PCSK2: variants seen among roughly 807,000 people sequenced by gnomAD.
The protein encoded by PCSK2 is proprotein convertase subtilisin/kexin type 2, also known as neuroendocrine convertase 2.
A neutral mutation model predicts 69.7 loss-of-function variants in PCSK2; 14 were observed. The ratio of observed to expected loss-of-function variants is 0.20; its 90% CI spans 0.13 to 0.31. The LOEUF is 0.31. Among genes scored for constraint, PCSK2 ranks in the 10% least tolerant of loss-of-function variants. The pLI, the probability that PCSK2 is intolerant of heterozygous loss-of-function variation, is 1.00. For synonymous variants in PCSK2, 307 were observed against 320.7 expected (o/e 0.96, Z 0.46); for missense variants, 544 against 842.5 (o/e 0.65, Z 4.39).
intron 2 of PCSK2, among the ~76,000 whole-genome samples, chr20:17,265,354 G>GT (rs1987557566): frequency 6.6e-6 from 1 of 152,104 alleles, no homozygotes. Context: ...AGAATAGGCT[G>GT]TTTTTTATCC....
intron 5 of PCSK2, among the ~76,000 whole-genome samples, chr20:17,393,612 C>T (rs1235486826): frequency 2.0e-5 from 3 of 151,492 alleles, no homozygotes; most frequent in Non-Finnish European, 1.5e-5. Flanking sequence ...GAGTTAAATC[C>T]AGTAAGCATT....
At chr20:17,424,600 C>T (rs2032204652) in intron 6 of PCSK2, among the ~76,000 whole-genome samples, 1 of 152,048 alleles carries the variant, frequency 6.6e-6, no homozygotes, top group Admixed American at 6.5e-5. Flanking sequence ...TCATGCGATT[C>T]TCCTGCCTCA....
At chr20:17,437,028 G>C in intron 8 of PCSK2, 145 bp downstream of exon 8, 1 of 693,016 alleles carries the variant, frequency 1.4e-6, no homozygotes, top group Non-Finnish European at 2.3e-6. Flanking sequence ...GCTTAGCCAT[G>C]CAGGAGGCTG....
At chr20:17,291,761 T>C (rs1375756713) in intron 2 of PCSK2, among the ~76,000 whole-genome samples, 1 of 152,184 alleles carries the variant, frequency 6.6e-6, no homozygotes, top group Non-Finnish European at 1.5e-5. Context: ...GGTTTTCTTT[T>C]CTCACAGAAA....
At position 17,320,350 on chromosome 20, in the gene PCSK2, A is replaced by G. The variant is rs376046061; in HGVS notation, c.283-37977A>G. Among the ~76,000 whole-genome samples, 8 of 152,246 alleles carry G rather than the reference A, an allele frequency of 5.3e-5. No individual in the cohort carries two copies. The East Asian group carries it at 1.5e-3, about 29-fold the overall frequency. ...ACTCGTTCCCTTGGTCGCAAGACAC[A>G]TCCTCCTGGAATCAGTGTCTTCTTT... On this transcript the variant is annotated intron_variant, in intron 2 of 11. Coordinates refer to ENST00000262545, the MANE Select transcript of PCSK2 (RefSeq NM_002594.5).
intron 11 of PCSK2, among the ~76,000 whole-genome samples, chr20:17,478,258 G>A (rs900674752): frequency 6.6e-6 from 1 of 151,714 alleles, no homozygotes; most frequent in African/African-American, 2.4e-5. Context: ...ATTAATACTT[G>A]TCTTCCAACT....
At chr20:17,473,417 A>G (rs775138705) in intron 11 of PCSK2, among the ~76,000 whole-genome samples, 3 of 152,162 alleles carry the variant, frequency 2.0e-5, no homozygotes, top group Non-Finnish European at 4.4e-5. Flanking sequence ...TCCAGAAAGC[A>G]TGCTTCATTT....
At position 17,482,029 on chromosome 20, in the gene PCSK2, G is replaced by A; in HGVS notation, c.1876G>A (p.Ala626Thr). 6.2e-7 allele frequency: 1 copy of A among 1,607,654 alleles called. No homozygotes were observed. Among genetic ancestry groups the A allele is most frequent in the Non-Finnish European group, 8.5e-7 (1 of 1,177,980 alleles). Residue 626 changes from alanine (A) to threonine (T), a missense_variant, in exon 12 of 12, where the codon GCC (alanine) becomes ACC (threonine). Ala to Thr is a moderately conservative substitution (Grantham distance 58). Around this residue, in one of 3 missense-constraint regions of PCSK2, gnomAD observed 200 missense variants for 287.8 expected, o/e 0.69. Transcript: ENST00000262545. ...GGAGCTGGAGGAAGAGCTGGACGAAGCCGTGGAGAGAAGCCTGAAAAGCAT... is the reference window on the plus strand; with the variant it reads ...GGAGCTGGAGGAAGAGCTGGACGAAACCGTGGAGAGAAGCCTGAAAAGCAT... ...KEELEEELDEAVERSLKSILN... is the reference protein window; with the variant it reads ...KEELEEELDETVERSLKSILN...
chr20:17,474,963 T>G (rs956135132), intron 11 of PCSK2, among the ~76,000 whole-genome samples: 7 of 152,032 alleles, frequency 4.6e-5, no homozygotes, highest in Non-Finnish European at 8.8e-5. Context: ...ATTGCTCTTC[T>G]CCAGAGACAG....
intron 1 of PCSK2, among the ~76,000 whole-genome samples, chr20:17,240,488 C>T (rs916520670): frequency 2.0e-5 from 3 of 152,150 alleles, no homozygotes; most frequent in Admixed American, 6.5e-5. Context: ...TGCCAGAGAA[C>T]ACCCTCAGGA....
chr20:17,257,539 T>C (rs1987224794), intron 1 of PCSK2, among the ~76,000 whole-genome samples: 1 of 152,254 alleles, frequency 6.6e-6, no homozygotes, highest in African/African-American at 2.4e-5. Flanking sequence ...CTGTAATTTC[T>C]ATAATGTGCC....
At chr20:17,433,866 C>T (rs1257296834) in intron 7 of PCSK2, among the ~76,000 whole-genome samples, 5 of 101,344 alleles carry the variant, frequency 4.9e-5, no homozygotes, top group Non-Finnish European at 1.0e-4. Flanking sequence ...CTCTCCCTCT[C>T]TCTCTTCCTC....
chr20:17,320,917 A>G (rs79565323), intron 2 of PCSK2, among the ~76,000 whole-genome samples: 1,615 of 152,338 alleles, frequency 0.011, 21 homozygotes, highest in African/African-American at 0.036. Context: ...GCTTAAATGT[A>G]TAATGGTTGT....
intron 2 of PCSK2, among the ~76,000 whole-genome samples, chr20:17,273,512 C>G (rs1278218851): frequency 6.6e-6 from 1 of 152,104 alleles, no homozygotes; most frequent in Admixed American, 6.6e-5. Context: ...TACATTATAA[C>G]TTTGCCAAAG....
chr20:17,255,483 A>G lies in PCSK2; in HGVS notation c.178-4757A>G, dbSNP rs553299385. On this transcript the variant is annotated intron_variant, in intron 1 of 11. Coordinates refer to ENST00000262545, the MANE Select transcript of PCSK2 (RefSeq NM_002594.5). ...CAGCCTCCTGAGTAGCTGGGACTAC[A>G]GGAGCCTGCCACCACGCCCAGCTAA... 2.6e-3 allele frequency among the ~76,000 whole-genome samples: 394 copies of G among 152,220 alleles called. 1 individual carries two copies. Among genetic ancestry groups the G allele is most frequent in the African/African-American group, 8.5e-3 (354 of 41,528 alleles).
intron 8 of PCSK2, among the ~76,000 whole-genome samples, chr20:17,447,223 A>G (rs1388967287): frequency 6.6e-6 from 1 of 151,334 alleles, no homozygotes; most frequent in African/African-American, 2.4e-5. Context: ...ATAAGTCGAG[A>G]TCACACCATT....
intron 5 of PCSK2, among the ~76,000 whole-genome samples, chr20:17,375,702 A>G (rs1395283698): frequency 2.0e-5 from 3 of 151,996 alleles, no homozygotes; most frequent in African/African-American, 7.3e-5. Context: ...CACTTCTTGC[A>G]CTCCGTCTTC....
intron 2 of PCSK2, among the ~76,000 whole-genome samples, chr20:17,318,480 CCT>C (rs1031229336): frequency 6.6e-6 from 1 of 152,168 alleles, no homozygotes; most frequent in Non-Finnish European, 1.5e-5. Flanking sequence ...ATTACCAGCC[CCT>C]GTTTCAAAGG....
At chr20:17,324,782 A>C (rs1449227686) in intron 2 of PCSK2, among the ~76,000 whole-genome samples, 1 of 152,160 alleles carries the variant, frequency 6.6e-6, no homozygotes. Flanking sequence ...CCCACAGTGC[A>C]TGGAGAAAGG....
Sources: gnomAD v4.1 joint callset for allele counts (sites outside exome capture counted in the v4.1 genomes callset) on GRCh38, gnomAD v4.1.1 for gene constraint, gnomAD v4.1.1 regional missense constraint, MANE v1.5 for transcripts, NCBI Gene and HGNC (gene_info 2026-07-23, HGNC 2026-07-21) for gene names.